Variants in KLHDC10 observed in about 807,000 individuals in gnomAD.
KLHDC10 encodes kelch domain containing 10.
A neutral mutation model predicts 56.1 loss-of-function variants in KLHDC10; 24 were observed. The observed-to-expected ratio is 0.43, with a 90% CI of 0.31 to 0.60. KLHDC10 has a LOEUF of 0.60. Among genes scored for constraint, KLHDC10 ranks in the 20% least tolerant of loss-of-function variants. KLHDC10 has a pLI of 0.11. For synonymous variants in KLHDC10, 188 were observed against 207.1 expected, an observed-to-expected ratio of 0.91 and a Z score of 0.79; for missense variants, 349 against 567.0, an observed-to-expected ratio of 0.62 and a Z score of 3.91.
chr7:130,075,590 C>T (rs1261356534), intron 1 of KLHDC10, among the ~76,000 whole-genome samples: 3 of 152,138 alleles, frequency 2.0e-5, no homozygotes, highest in African/African-American at 7.2e-5. Context: ...AAGATGTTTA[C>T]AATCTTGCTA....
chr7:130,128,001 A>G lies in KLHDC10; in HGVS notation c.979+550A>G, dbSNP rs192938049. Among the ~76,000 whole-genome samples the G allele has an allele frequency of 4.7e-3, 722 of 152,328 alleles. 5 individuals carry two copies. Among genetic ancestry groups the G allele is most frequent in the Non-Finnish European group, 7.6e-3 (517 of 68,028 alleles). ...CTCTGGATAACCTTCCTGTCTTTTA[A>G]TTTACAACTTATTTCATCGTCTGAT... On this transcript the variant is annotated intron_variant, in intron 8 of 9. Transcript: ENST00000335420.
Position 130,116,635 on chromosome 7 carries a change from C to A in KLHDC10, c.444C>A (p.Gly148=), listed in dbSNP as rs772246245. Residue 148 remains glycine (G), a synonymous_variant, in exon 3 of 10, where the codon GGC becomes GGA. Transcript: ENST00000335420. The surrounding 1 kb of genome is among the most constrained non-coding windows in gnomAD (Gnocchi z 4.8). ...TGVWHQMGTD[G]YMPRELASMS... Reference sequence around the variant, plus strand: ...TATGGCACCAGATGGGCACAGATGGCTACATGCCCCGGGAATTGGCATCTA... The same window carrying A: ...TATGGCACCAGATGGGCACAGATGGATACATGCCCCGGGAATTGGCATCTA... The A allele has an allele frequency of 1.9e-6, 3 of 1,613,992 alleles. No individual in the cohort carries two copies. The African/African-American group carries it at 4.0e-5, about 22-fold the overall frequency.
Position 130,070,824 on chromosome 7 carries a change from A to G in KLHDC10, c.166+15A>G. The G allele has an allele frequency of 1.5e-6, 2 of 1,302,226 alleles. No homozygotes were observed. The highest frequency in any genetic ancestry group is 9.8e-7 in the Non-Finnish European group (1 of 1,022,886). 80.7% of individuals were successfully genotyped at this position (1,302,226 alleles called of 1,614,324 possible). A position where few individuals can be genotyped will look rare whatever the true frequency, so the allele number is the denominator to read the frequency against. On this transcript the variant is annotated intron_variant, in intron 1 of 9. Transcript: ENST00000335420. ...GCACCTGCCAGGTGAGTCGTGGGAC[A>G]GGGTCCTGACCGCTTGCGGGCGGGA... is the stretch of plus-strand genomic sequence containing the variant.
chr7:130,111,458 C>T (rs879658425), intron 2 of KLHDC10, among the ~76,000 whole-genome samples: 1 of 152,116 alleles, frequency 6.6e-6, no homozygotes, highest in Non-Finnish European at 1.5e-5. Context: ...GATCCCAGCA[C>T]TTTGGATGGC....
chr7:130,102,982 T>C (rs1210852509), intron 2 of KLHDC10, among the ~76,000 whole-genome samples: 1 of 151,950 alleles, frequency 6.6e-6, no homozygotes, highest in Non-Finnish European at 1.5e-5. Context: ...AAAAATAAAA[T>C]AGAGGAAATT....
chr7:130,130,337 C>CATATATATATATATATATATATATAT lies in KLHDC10; in HGVS notation c.1120-183_1120-182insTATATATATATATATATATATATATA, dbSNP rs72380761. ...ACTCTGTCTCAAAAAAAAAAAAAAT[C>CATATATATATATATATATATATATAT]ATATATATATATATATAGTTTTTCC... On this transcript the variant is annotated intron_variant, in intron 9 of 9. Coordinates refer to ENST00000335420, the MANE Select transcript of KLHDC10 (RefSeq NM_014997.4). This position sits in a 1 kb window ranked among gnomAD's most constrained non-coding sequence, Gnocchi z 4.2. Among the ~76,000 whole-genome samples, 53 of 140,822 alleles carry CATATATATATATATATATATATATAT rather than the reference C, an allele frequency of 3.8e-4. No individual in the cohort carries two copies. Among genetic ancestry groups the CATATATATATATATATATATATATAT allele is most frequent in the African/African-American group, 1.3e-3 (49 of 36,952 alleles). The allele number at this position is 140,822 out of a possible 152,430, so 92.4% of individuals were successfully genotyped here. A position where few individuals can be genotyped will look rare whatever the true frequency, so the allele number is the denominator to read the frequency against.
At chr7:130,101,190 C>T (rs550784441) in intron 2 of KLHDC10, among the ~76,000 whole-genome samples, 103 of 152,150 alleles carry the variant, frequency 6.8e-4, no homozygotes, top group Non-Finnish European at 1.4e-3. Flanking sequence ...CTGTGAAGAT[C>T]AAGAGAGACA....
rs71175086 is a variant in KLHDC10 at position 130,108,556 on chromosome 7, C to CAAAA, written c.254-7875_254-7872dup. 6.3e-4 allele frequency among the ~76,000 whole-genome samples: 54 copies of CAAAA among 85,666 alleles called. 26 individuals are homozygous for CAAAA. Among genetic ancestry groups the CAAAA allele is most frequent in the Middle Eastern group, 0.012 (2 of 168 alleles). The allele number at this position is 85,666 out of a possible 152,430, so 56.2% of individuals were successfully genotyped here. Reference sequence around the variant, plus strand: ...CGAAACGCCGTCTCTACCAAATATCCAAAAAAAAAAAAAAAAAGCTGGGCG... The same window carrying CAAAA: ...CGAAACGCCGTCTCTACCAAATATCCAAAAAAAAAAAAAAAAAAAAAGCTGGGCG... On this transcript the variant is annotated intron_variant, in intron 2 of 9. Coordinates refer to ENST00000335420, the MANE Select transcript of KLHDC10 (RefSeq NM_014997.4).
chr7:130,097,102 A>C, intron 2 of KLHDC10, 95 bp downstream of exon 2: 1 of 782,314 alleles, frequency 1.3e-6, no homozygotes. Flanking sequence ...TTTAAAAATC[A>C]TCTAAACAGC....
At chr7:130,121,419 C>T (rs901768912) in intron 4 of KLHDC10, among the ~76,000 whole-genome samples, 2 of 152,230 alleles carry the variant, frequency 1.3e-5, no homozygotes, top group Non-Finnish European at 2.9e-5. Context: ...ACCCACCATA[C>T]ATCAGAGACT....
intron 1 of KLHDC10, among the ~76,000 whole-genome samples, chr7:130,076,758 A>C (rs927595323): frequency 6.6e-6 from 1 of 152,130 alleles, no homozygotes; most frequent in Non-Finnish European, 1.5e-5. Flanking sequence ...AGGTGTACTT[A>C]GTTCCTACAG....
rs569725597 is a variant in KLHDC10 at position 130,112,651 on chromosome 7, G to T, written c.254-3794G>T. Among the ~76,000 whole-genome samples the T allele has an allele frequency of 5.9e-5, 9 of 152,270 alleles. No homozygotes were observed. The South Asian group carries it at 1.0e-3, about 18-fold the overall frequency. ...TAATAAAAATTAATGCTTAGTCTCC[G>T]TGGCATTAATCCAGACAGACAATTC... On this transcript the variant is annotated intron_variant, in intron 2 of 9. Transcript: ENST00000335420.
intron 1 of KLHDC10, among the ~76,000 whole-genome samples, chr7:130,089,941 G>A (rs1489411249): frequency 1.3e-5 from 2 of 151,874 alleles, no homozygotes; most frequent in East Asian, 1.9e-4. Context: ...GAGTGCAATG[G>A]CGCGATCTTG....
chr7:130,125,175 T>A (rs947906203), intron 6 of KLHDC10, among the ~76,000 whole-genome samples: 1 of 152,178 alleles, frequency 6.6e-6, no homozygotes, highest in Admixed American at 6.5e-5. Context: ...CAGAACAACA[T>A]ATAGAAGAAA....
chr7:130,107,251 A>G (rs79990273), intron 2 of KLHDC10, among the ~76,000 whole-genome samples: 6,585 of 152,306 alleles, frequency 0.043, 476 homozygotes, highest in African/African-American at 0.15. Context: ...CAGCCAATAC[A>G]GTAGAAGACC....
rs1008216028 is a variant in KLHDC10, at chr7:130,070,568, G to T, written c.-76G>T. ...CCCTGTCTCCTGGGTCTCTGGAGGA[G>T]CCCAGGAAGGAGGCTCCGCTGGTTC... On this transcript the variant is annotated 5_prime_UTR_variant, in exon 1 of 10. Coordinates refer to ENST00000335420, the MANE Select transcript of KLHDC10 (RefSeq NM_014997.4). 22 of 1,241,852 alleles carry T rather than the reference G, an allele frequency of 1.8e-5. No individual in the cohort carries two copies. The highest frequency in any genetic ancestry group is 3.1e-5 in the African/African-American group (2 of 65,428). 76.9% of individuals were successfully genotyped at this position (1,241,852 alleles called of 1,614,324 possible). A position where few individuals can be genotyped will look rare whatever the true frequency, so the allele number is the denominator to read the frequency against.
rs1264841925 is a variant in KLHDC10, at chr7:130,133,744, T to C, written c.*2998T>C. On this transcript the variant is annotated 3_prime_UTR_variant, in exon 10 of 10. Coordinates refer to ENST00000335420, the MANE Select transcript of KLHDC10 (RefSeq NM_014997.4). ...TCCTAAACGGAGAATTAAAACCTAG[T>C]ATTTAACACTAACCATTCTCCTATG... 3 of 152,336 alleles carry C rather than the reference T, an allele frequency of 2.0e-5. No homozygotes were observed. The highest frequency in any genetic ancestry group is 1.9e-4 in the East Asian group (1 of 5,188). The allele number at this position is 152,336 out of a possible 1,614,324, so 9.4% of individuals were successfully genotyped here. A position where few individuals can be genotyped will look rare whatever the true frequency, so the allele number is the denominator to read the frequency against.
intron 1 of KLHDC10, among the ~76,000 whole-genome samples, chr7:130,076,636 A>G (rs994783360): frequency 6.6e-6 from 1 of 152,170 alleles, no homozygotes; most frequent in African/African-American, 2.4e-5. Flanking sequence ...TGTAAGTTAA[A>G]TAAAGTGTCG....
At chr7:130,095,309 A>C (rs1795833360) in intron 1 of KLHDC10, among the ~76,000 whole-genome samples, 1 of 152,122 alleles carries the variant, frequency 6.6e-6, no homozygotes, top group Admixed American at 6.5e-5. Flanking sequence ...AAAGAAAACC[A>C]ACTACCATTT....
Sources: allele counts gnomAD v4.1 joint callset (sites outside exome capture counted in the v4.1 genomes callset), GRCh38; gene constraint gnomAD v4.1.1; non-coding constraint Gnocchi (gnomAD v3.1); transcripts MANE v1.5; gene names NCBI Gene and HGNC (gene_info 2026-07-23, HGNC 2026-07-21).